The following AMPH variants were observed in gnomAD, a reference collection of about 807,000 sequenced individuals.
AMPH encodes the protein amphiphysin.
Under a neutral mutation model 99.1 loss-of-function variants are expected in AMPH, and 49 were observed. That is an observed-to-expected ratio of 0.49 (90% CI 0.39 to 0.63). The LOEUF (loss-of-function observed/expected upper bound fraction) is 0.63. Ranked by LOEUF, AMPH falls within the 20% of genes least tolerant of loss-of-function variation. The pLI is 0.00. For missense variants in AMPH, 759 were observed against 863.4 expected (o/e 0.88, Z 1.52); for synonymous variants, 314 against 317.3 (o/e 0.99, Z 0.11).
chr7:38,460,041 CATTTCTCAAAAGAAAACAT>C (rs1009075293), intron 11 of AMPH, among the ~76,000 whole-genome samples: 8 of 152,044 alleles, frequency 5.3e-5, no homozygotes, highest in Non-Finnish European at 1.0e-4. Flanking sequence ...CATAAATAGA[CATTTCTCAAAAGAAAACAT>C]ACAAATGGCC....
Position 38,492,461 on chromosome 7 carries a change from G to C in AMPH, c.301-1316C>G, listed in dbSNP as rs904160685. On this transcript the variant is annotated intron_variant, in intron 4 of 20. Coordinates refer to ENST00000356264, the MANE Select transcript of AMPH (RefSeq NM_001635.4). ...TTAAATTCCTCTATGTGACACATAA[G>C]TTTTCATCTTGTTAAAACACACACA... Among the ~76,000 whole-genome samples, 3 of 151,524 alleles carry C rather than the reference G, an allele frequency of 2.0e-5. No homozygotes were observed. In the East Asian group the frequency reaches 5.9e-4, roughly 30 times the overall value.
At chr7:38,431,511 T>C (rs1013705654) in intron 13 of AMPH, among the ~76,000 whole-genome samples, 18 of 151,776 alleles carry the variant, frequency 1.2e-4, no homozygotes, top group African/African-American at 4.4e-4. Context: ...CAAAAATTAG[T>C]TGGGCGCGGT....
At chr7:38,525,258 G>GTGTATATATATATATATATATA (rs1173107719) in intron 2 of AMPH, among the ~76,000 whole-genome samples, 5 of 111,210 alleles carry the variant, frequency 4.5e-5, no homozygotes, top group African/African-American at 2.0e-4. Context: ...GTGTGTGTGT[G>GTGTATATATATATATATATATA]TATATATATA....
At chr7:38,433,539 A>C (rs1016571828) in intron 12 of AMPH, among the ~76,000 whole-genome samples, 3 of 150,586 alleles carry the variant, frequency 2.0e-5, no homozygotes, top group Middle Eastern at 3.4e-3. Context: ...TCCCGGCTAA[A>C]ACGGTGAAAC....
chr7:38,496,621 G>C (rs1162160374), intron 3 of AMPH, among the ~76,000 whole-genome samples: 2 of 152,128 alleles, frequency 1.3e-5, no homozygotes, highest in African/African-American at 4.8e-5. Flanking sequence ...GGGGGGATGC[G>C]TTCTCTCATG....
At chr7:38,432,541 A>G (rs2128993686) in intron 12 of AMPH, among the ~76,000 whole-genome samples, 1 of 152,040 alleles carries the variant, frequency 6.6e-6, no homozygotes, top group East Asian at 1.9e-4. Flanking sequence ...AACTTTCACT[A>G]TGTGAGTAGA....
At chr7:38,393,969 C>G (rs1453799334) in intron 18 of AMPH, 36 bp downstream of exon 18, 1 of 1,609,688 alleles carries the variant, frequency 6.2e-7, no homozygotes, top group Non-Finnish European at 8.5e-7. Flanking sequence ...ATGCTACTTC[C>G]CAGGAGCTCC....
At chr7:38,455,007 A>C (rs1281077769) in intron 11 of AMPH, among the ~76,000 whole-genome samples, 2 of 152,224 alleles carry the variant, frequency 1.3e-5, no homozygotes, top group African/African-American at 4.8e-5. Flanking sequence ...TGATTTGGGA[A>C]GACTAAAAGA....
At chr7:38,596,390 G>A (rs1793060479) in intron 1 of AMPH, among the ~76,000 whole-genome samples, 1 of 152,148 alleles carries the variant, frequency 6.6e-6, no homozygotes, top group Admixed American at 6.5e-5. Context: ...GAAATCAGGA[G>A]CCCGGGGAAT....
intron 5 of AMPH, among the ~76,000 whole-genome samples, chr7:38,477,234 C>A (rs1033922448): frequency 6.6e-6 from 1 of 151,872 alleles, no homozygotes; most frequent in Non-Finnish European, 1.5e-5. Context: ...AGTTTGCAGT[C>A]AAAGACCAGA....
At chr7:38,610,281 AAAGAAAGAAAG>A (rs1207031039) in intron 1 of AMPH, among the ~76,000 whole-genome samples, 2 of 32,756 alleles carry the variant, frequency 6.1e-5, no homozygotes, top group African/African-American at 4.8e-4. Context: ...AGAAAGAAAG[AAAGAAAGAAAG>A]AAAGAAAAGA....
intron 2 of AMPH, among the ~76,000 whole-genome samples, chr7:38,508,237 C>A (rs903044667): frequency 2.0e-5 from 3 of 152,126 alleles, no homozygotes; most frequent in Admixed American, 6.5e-5. Flanking sequence ...GTGCATGACA[C>A]CCCGGGGCAG....
intron 19 of AMPH, among the ~76,000 whole-genome samples, 199 bp from the exon 20 acceptor site, chr7:38,390,104 C>A (rs1784447343): frequency 6.6e-6 from 1 of 152,176 alleles, no homozygotes; most frequent in South Asian, 2.1e-4. Flanking sequence ...AATAGTAATG[C>A]AATGCCCTCT....
intron 7 of AMPH, among the ~76,000 whole-genome samples, chr7:38,470,407 G>C (rs928598749): frequency 2.0e-5 from 3 of 151,990 alleles, no homozygotes; most frequent in Non-Finnish European, 2.9e-5. Context: ...GTTTACCAAA[G>C]GTGATGCCTC....
At chr7:38,412,488 G>A (rs1434414824) in intron 17 of AMPH, among the ~76,000 whole-genome samples, 6 of 152,208 alleles carry the variant, frequency 3.9e-5, no homozygotes, top group Non-Finnish European at 5.9e-5. Flanking sequence ...CAGTTGGTAG[G>A]TGGTTAATGA....
intron 2 of AMPH, among the ~76,000 whole-genome samples, chr7:38,508,322 G>A (rs1789410156): frequency 6.6e-6 from 1 of 152,148 alleles, no homozygotes; most frequent in African/African-American, 2.4e-5. Flanking sequence ...GGTTAAGCAG[G>A]TCTGGAAAAT....
chr7:38,607,301 T>C (rs1793467795), intron 1 of AMPH, among the ~76,000 whole-genome samples: 1 of 152,222 alleles, frequency 6.6e-6, no homozygotes, highest in Non-Finnish European at 1.5e-5. Flanking sequence ...TGAAAGCAAC[T>C]AACCAGCACT....
chr7:38,534,047 A>G (rs1790506744), intron 2 of AMPH, among the ~76,000 whole-genome samples: 1 of 152,100 alleles, frequency 6.6e-6, no homozygotes, highest in Non-Finnish European at 1.5e-5. Context: ...CCTCTTTTTC[A>G]TTGTCATCTC....
intron 1 of AMPH, among the ~76,000 whole-genome samples, chr7:38,566,571 T>C: frequency 6.6e-6 from 1 of 152,106 alleles, no homozygotes; most frequent in East Asian, 1.9e-4. Flanking sequence ...CTAAAGAGCT[T>C]CTGCACAGCA....
Sources: gnomAD v4.1 joint callset for allele counts (sites outside exome capture counted in the v4.1 genomes callset) on GRCh38, gnomAD v4.1.1 for gene constraint, MANE v1.5 for transcripts, NCBI Gene and HGNC (gene_info 2026-07-23, HGNC 2026-07-21) for gene names.